The following GRM1 variants were observed in gnomAD, a reference collection of about 807,000 sequenced individuals.
GRM1 encodes the protein glutamate metabotropic receptor 1, also known as metabotropic glutamate receptor 1.
A neutral mutation model predicts 90.9 loss-of-function variants in GRM1; 33 were observed. The ratio of observed to expected loss-of-function variants is 0.36; its 90% CI spans 0.28 to 0.49. GRM1 has a LOEUF of 0.49. GRM1 is among the 20% of genes least tolerant of loss of function. The pLI, the probability that GRM1 is intolerant of heterozygous loss-of-function variation, is 0.99. For synonymous variants in GRM1, 700 were observed against 613.2 expected, an observed-to-expected ratio of 1.14 and a Z score of -2.09; for missense variants, 1,190 against 1,534.3, an observed-to-expected ratio of 0.78 and a Z score of 3.75.
chr6:146,206,311 C>A (rs1437788855), intron 2 of GRM1, among the ~76,000 whole-genome samples: 1 of 152,150 alleles, frequency 6.6e-6, no homozygotes, highest in African/African-American at 2.4e-5. Flanking sequence ...AGATCATCCC[C>A]ACTTCTAGTT....
At chr6:146,190,918 T>C (rs1778915227) in intron 2 of GRM1, among the ~76,000 whole-genome samples, 1 of 152,192 alleles carries the variant, frequency 6.6e-6, no homozygotes, top group Non-Finnish European at 1.5e-5. Flanking sequence ...AGGCTGATTT[T>C]AGTCTTTGGG....
chr6:146,404,734 G>A (rs536947355), intron 7 of GRM1, among the ~76,000 whole-genome samples: 1 of 152,248 alleles, frequency 6.6e-6, no homozygotes, highest in African/African-American at 2.4e-5. Context: ...GAAGAGTATA[G>A]AATATAGATA....
intron 3 of GRM1, among the ~76,000 whole-genome samples, chr6:146,349,167 C>T (rs1472114975): frequency 6.6e-6 from 1 of 150,580 alleles, no homozygotes; most frequent in African/African-American, 2.4e-5. Flanking sequence ...CCCGGGTTCA[C>T]GCCATTCTCC....
intron 7 of GRM1, among the ~76,000 whole-genome samples, chr6:146,404,632 G>A (rs2114603708): frequency 6.6e-6 from 1 of 152,304 alleles, no homozygotes; most frequent in African/African-American, 2.4e-5. Context: ...TGAAGATTCA[G>A]AAATGTTAAT....
At chr6:146,392,812 T>G (rs919278163) in intron 6 of GRM1, among the ~76,000 whole-genome samples, 2 of 152,182 alleles carry the variant, frequency 1.3e-5, no homozygotes, top group Non-Finnish European at 2.9e-5. Context: ...TGTGTTAGTT[T>G]GCTGAGAATG....
At chr6:146,075,321 A>T (rs1776148252) in intron 1 of GRM1, among the ~76,000 whole-genome samples, 3 of 152,204 alleles carry the variant, frequency 2.0e-5, no homozygotes, top group Admixed American at 2.0e-4. Flanking sequence ...TTGATCATCT[A>T]CTATGTGTCA....
chr6:146,361,898 A>G (rs1232634720), intron 5 of GRM1, among the ~76,000 whole-genome samples: 1 of 152,246 alleles, frequency 6.6e-6, no homozygotes, highest in Non-Finnish European at 1.5e-5. Context: ...CAATAAAATC[A>G]TAAGTAATAA....
chr6:146,073,314 T>C (rs1776077815), intron 1 of GRM1, among the ~76,000 whole-genome samples: 1 of 152,120 alleles, frequency 6.6e-6, no homozygotes, highest in Non-Finnish European at 1.5e-5. Context: ...ACATTTTCAA[T>C]GTGGGTTAGA....
At chr6:146,398,375 A>G (rs1316039954) in intron 6 of GRM1, among the ~76,000 whole-genome samples, 1 of 152,176 alleles carries the variant, frequency 6.6e-6, no homozygotes, top group African/African-American at 2.4e-5. Flanking sequence ...TTGTTAGTTT[A>G]TTTCTTAATA....
chr6:146,315,797 C>T (rs1783945650), intron 3 of GRM1, among the ~76,000 whole-genome samples: 1 of 152,190 alleles, frequency 6.6e-6, no homozygotes, highest in South Asian at 2.1e-4. Context: ...CTGGCTGTGG[C>T]ATCTGAGATA....
intron 2 of GRM1, among the ~76,000 whole-genome samples, chr6:146,244,449 A>G (rs1780983265): frequency 6.6e-6 from 1 of 152,312 alleles, no homozygotes; most frequent in South Asian, 2.1e-4. Context: ...ACTTCGTAGT[A>G]AAAGTCTGTT....
At chr6:146,210,831 G>A (rs559783509) in intron 2 of GRM1, among the ~76,000 whole-genome samples, 2 of 152,262 alleles carry the variant, frequency 1.3e-5, no homozygotes, top group South Asian at 4.1e-4. Flanking sequence ...TGCTTGCATG[G>A]CATTGAGAAC....
intron 1 of GRM1, among the ~76,000 whole-genome samples, chr6:146,068,789 A>T (rs566905788): frequency 1.3e-4 from 20 of 152,328 alleles, no homozygotes; most frequent in Admixed American, 2.6e-4. Context: ...CTACTTTGTG[A>T]TTTTAATTAC....
chr6:146,062,212 A>G (rs1202926597), intron 1 of GRM1, among the ~76,000 whole-genome samples: 1 of 152,144 alleles, frequency 6.6e-6, no homozygotes, highest in Non-Finnish European at 1.5e-5. Flanking sequence ...ATGAAGCTGG[A>G]AACCATCATT....
chr6:146,038,253 A>G (rs1790964013), intron 1 of GRM1, among the ~76,000 whole-genome samples: 2 of 151,972 alleles, frequency 1.3e-5, no homozygotes, highest in Non-Finnish European at 2.9e-5. Context: ...CATCTCTACC[A>G]CAAGTAACTA....
intron 1 of GRM1, among the ~76,000 whole-genome samples, chr6:146,138,027 T>G (rs916347808): frequency 2.0e-5 from 3 of 152,142 alleles, no homozygotes; most frequent in Non-Finnish European, 4.4e-5. Flanking sequence ...TTTACTGAAT[T>G]TCTTTATCAG....
At chr6:146,159,227 T>A in intron 1 of GRM1, 121 bp from the exon 2 acceptor site, 1 of 1,150,778 alleles carries the variant, frequency 8.7e-7, no homozygotes, top group Non-Finnish European at 1.3e-6. Flanking sequence ...CTCAGCCATA[T>A]TTACAAATTA....
intron 1 of GRM1, among the ~76,000 whole-genome samples, chr6:146,065,103 A>G (rs1260132928): frequency 6.6e-6 from 1 of 152,192 alleles, no homozygotes; most frequent in East Asian, 1.9e-4. Flanking sequence ...TCTTTCAGTT[A>G]TGAACCCTTC....
intron 2 of GRM1, among the ~76,000 whole-genome samples, chr6:146,259,795 A>T (rs1313942026): frequency 1.3e-5 from 2 of 151,882 alleles, no homozygotes; most frequent in African/African-American, 4.8e-5. Context: ...TCCTGATTCC[A>T]GTTTTTCTGG....
Sources: gnomAD v4.1 joint callset for allele counts (sites outside exome capture counted in the v4.1 genomes callset) on GRCh38, gnomAD v4.1.1 for gene constraint, MANE v1.5 for transcripts, NCBI Gene and HGNC (gene_info 2026-07-23, HGNC 2026-07-21) for gene names.